The following CREB5 variants were observed in gnomAD, a reference collection of about 807,000 sequenced individuals.
CREB5 encodes the protein cAMP responsive element binding protein 5.
A neutral mutation model predicts 57.1 loss-of-function variants in CREB5; 19 were observed. The ratio of observed to expected loss-of-function variants is 0.33; its 90% CI spans 0.23 to 0.49. CREB5 has a LOEUF of 0.49. Among genes scored for constraint, CREB5 ranks in the 20% least tolerant of loss-of-function variants. CREB5 has a pLI of 0.99. For synonymous variants in CREB5, 238 were observed against 238.3 expected (o/e 1.00, Z 0.01); for missense variants, 579 against 671.6 (o/e 0.86, Z 1.52).
At position 28,496,498 on chromosome 7, in the gene CREB5, G is replaced by T. The variant is rs371455829; in HGVS notation, c.169+1499G>T. On this transcript the variant is annotated intron_variant, in intron 3 of 10. Transcript: ENST00000357727. ...ATTGTAACCCATTGTTATTGACAGG[G>T]GAGGAAGGGCACAGGTGATGGAGCT... Among the ~76,000 whole-genome samples the T allele has an allele frequency of 1.4e-4, 21 of 152,286 alleles. No homozygotes were observed. In the East Asian group the frequency reaches 1.9e-3, roughly 14 times the overall value.
At chr7:28,342,216 C>T (rs1050316950) in intron 1 of CREB5, among the ~76,000 whole-genome samples, 3 of 152,116 alleles carry the variant, frequency 2.0e-5, no homozygotes, top group Non-Finnish European at 2.9e-5. Context: ...AATATTAATG[C>T]ATTTATTATC....
intron 1 of CREB5, among the ~76,000 whole-genome samples, chr7:28,469,385 T>C (rs554331018): frequency 1.6e-4 from 24 of 152,286 alleles, no homozygotes; most frequent in African/African-American, 5.5e-4. Flanking sequence ...GAAGTGCTCA[T>C]TGGAGAAATT....
intron 1 of CREB5, among the ~76,000 whole-genome samples, chr7:28,415,348 G>A (rs866675837): frequency 2.0e-5 from 3 of 152,152 alleles, no homozygotes; most frequent in South Asian, 2.1e-4. Flanking sequence ...GCCAAACCAG[G>A]CTGAGAAGCC....
At chr7:28,454,588 G>T (rs1373458186) in intron 1 of CREB5, among the ~76,000 whole-genome samples, 2 of 152,124 alleles carry the variant, frequency 1.3e-5, no homozygotes, top group Non-Finnish European at 2.9e-5. Context: ...TGAGTCTAAT[G>T]ACCAGCTTAT....
At chr7:28,525,422 A>G (rs1185078441) in intron 4 of CREB5, among the ~76,000 whole-genome samples, 1 of 152,130 alleles carries the variant, frequency 6.6e-6, no homozygotes, top group African/African-American at 2.4e-5. Context: ...CATAGTGGCT[A>G]TGCTAGCTTA....
At chr7:28,358,920 A>G (rs538111305) in intron 1 of CREB5, among the ~76,000 whole-genome samples, 1 of 152,342 alleles carries the variant, frequency 6.6e-6, no homozygotes, top group African/African-American at 2.4e-5. Flanking sequence ...AGGGGTGAGG[A>G]GAACCCCTCA....
At chr7:28,533,821 C>A (rs1285768003) in intron 4 of CREB5, among the ~76,000 whole-genome samples, 1 of 152,188 alleles carries the variant, frequency 6.6e-6, no homozygotes, top group East Asian at 1.9e-4. Context: ...GGGGAATCAT[C>A]CTTGTCCTCC....
intron 1 of CREB5, among the ~76,000 whole-genome samples, chr7:28,363,873 C>T: frequency 6.6e-6 from 1 of 152,132 alleles, no homozygotes; most frequent in East Asian, 1.9e-4. Context: ...TGTCATTGGT[C>T]TCAAATATTA....
rs917550686 is a variant in CREB5, at chr7:28,431,914, G to A, written c.3+18997G>A. On this transcript the variant is annotated intron_variant, in intron 1 of 10. Transcript: ENST00000357727. ...CTGGAGGTATGGTGAGCAGATAGCT[G>A]TTTAGATTTACATCTAAATGCAATG... 2.7e-5 allele frequency among the ~76,000 whole-genome samples: 4 copies of A among 148,954 alleles called. No homozygotes were observed. The South Asian group carries it at 8.7e-4, about 33-fold the overall frequency.
chr7:28,812,934 G>GA (rs2128806836), intron 9 of CREB5, among the ~76,000 whole-genome samples: 1 of 152,164 alleles, frequency 6.6e-6, no homozygotes, highest in East Asian at 1.9e-4. Flanking sequence ...TTCCAGCGTA[G>GA]AACCCTCTAG....
In CREB5 at chr7:28,336,325, C is replaced by T. The variant is rs75566868; in HGVS notation, c.-25+36884C>T. ...ATTCAGCTGTGAAGCCATTGAGTCT[C>T]GGGCTTTTCTTTGCTGGGAGACTTT... On this transcript the variant is annotated intron_variant, in intron 1 of 9. Coordinates refer to the CREB5 transcript ENST00000396299. Among the ~76,000 whole-genome samples the T allele has an allele frequency of 6.2e-3, 950 of 152,052 alleles. 11 individuals are homozygous for T. Among genetic ancestry groups the T allele is most frequent in the African/African-American group, 0.022 (898 of 41,544 alleles).
chr7:28,354,703 T>C (rs1786305647), intron 1 of CREB5, among the ~76,000 whole-genome samples: 1 of 152,154 alleles, frequency 6.6e-6, no homozygotes, highest in Non-Finnish European at 1.5e-5. Flanking sequence ...CTTCCCTCCT[T>C]TGCCCACATC....
intron 1 of CREB5, among the ~76,000 whole-genome samples, chr7:28,461,857 T>A (rs908350856): frequency 1.3e-5 from 2 of 152,104 alleles, no homozygotes; most frequent in African/African-American, 4.8e-5. Context: ...AGAGCCCACT[T>A]GTAGTTTTAT....
intron 7 of CREB5, among the ~76,000 whole-genome samples, chr7:28,761,017 C>T (rs969235590): frequency 6.6e-6 from 1 of 152,132 alleles, no homozygotes; most frequent in Non-Finnish European, 1.5e-5. Context: ...TACAGGAAAA[C>T]CCTTAGAGAC....
intron 1 of CREB5, among the ~76,000 whole-genome samples, chr7:28,397,293 C>T (rs926755969): frequency 6.6e-6 from 1 of 152,172 alleles, no homozygotes; most frequent in African/African-American, 2.4e-5. Flanking sequence ...CAGCCATTCA[C>T]CCCTTGACAA....
At chr7:28,807,945 A>G (rs1201994865) in intron 8 of CREB5, among the ~76,000 whole-genome samples, 1 of 152,188 alleles carries the variant, frequency 6.6e-6, no homozygotes, top group Non-Finnish European at 1.5e-5. Context: ...ATAAAGCTCT[A>G]TGTGTGGGGG....
intron 4 of CREB5, among the ~76,000 whole-genome samples, chr7:28,514,562 A>AT (rs563540507): frequency 3.2e-4 from 48 of 152,112 alleles, no homozygotes; most frequent in Middle Eastern, 3.4e-3. Context: ...CTCCTGGCTA[A>AT]TTTTTTGTAT....
At chr7:28,807,527 T>G (rs1324338902) in intron 8 of CREB5, among the ~76,000 whole-genome samples, 1 of 152,228 alleles carries the variant, frequency 6.6e-6, no homozygotes, top group Non-Finnish European at 1.5e-5. Flanking sequence ...CTGATTCTTT[T>G]ACAGTTAGTC....
intron 9 of CREB5, among the ~76,000 whole-genome samples, chr7:28,817,485 G>C (rs1169686491): frequency 6.6e-6 from 1 of 152,168 alleles, no homozygotes; most frequent in Non-Finnish European, 1.5e-5. Context: ...AGATGAGTCA[G>C]CTTATTCTGA....
Sources: gnomAD v4.1 joint callset for allele counts (sites outside exome capture counted in the v4.1 genomes callset) on GRCh38, gnomAD v4.1.1 for gene constraint, MANE v1.5 for transcripts, NCBI Gene and HGNC (gene_info 2026-07-23, HGNC 2026-07-21) for gene names.